Variants in CCDC102B observed in about 807,000 individuals in gnomAD.
CCDC102B encodes coiled-coil domain-containing protein 102B.
A neutral mutation model predicts 57.4 loss-of-function variants in CCDC102B; 75 were observed. The observed-to-expected ratio is 1.31, with a 90% CI of 1.08 to 1.58. The LOEUF (loss-of-function observed/expected upper bound fraction) is 1.58. Among genes scored for constraint, CCDC102B ranks in the 40% most tolerant of loss-of-function variants. CCDC102B has a pLI of 0.00. For missense variants in CCDC102B, 636 were observed against 582.6 expected (o/e 1.09, Z -0.94); for synonymous variants, 206 against 201.9 (o/e 1.02, Z -0.17).
chr18:68,738,306 A>T (rs1206570523), intron 2 of CCDC102B, among the ~76,000 whole-genome samples: 1 of 152,210 alleles, frequency 6.6e-6, no homozygotes, highest in Admixed American at 6.5e-5. Flanking sequence ...GTAGCAAAGA[A>T]TAAGAATAAG....
At chr18:68,977,927 A>G (rs1344366200) in intron 6 of CCDC102B, among the ~76,000 whole-genome samples, 4 of 152,018 alleles carry the variant, frequency 2.6e-5, no homozygotes, top group South Asian at 2.1e-4. Flanking sequence ...TTGCAGGCAC[A>G]TACAGATCCA....
chr18:68,916,310 A>C (rs4243306), intron 6 of CCDC102B, among the ~76,000 whole-genome samples: 1 of 152,210 alleles, frequency 6.6e-6, no homozygotes, highest in East Asian at 1.9e-4. Context: ...TAAAGAATGG[A>C]CACCTCTGGG....
chr18:68,767,504 A>T (rs1272400131), intron 2 of CCDC102B, among the ~76,000 whole-genome samples: 1 of 152,236 alleles, frequency 6.6e-6, no homozygotes, highest in Non-Finnish European at 1.5e-5. Context: ...TTGTTGTTTA[A>T]GCTTTCCAGT....
intron 4 of CCDC102B, among the ~76,000 whole-genome samples, chr18:68,861,593 G>A (rs1407032082): frequency 6.6e-6 from 1 of 152,124 alleles, no homozygotes; most frequent in Non-Finnish European, 1.5e-5. Context: ...TTACCTAATG[G>A]ACTGTGAATT....
intron 6 of CCDC102B, among the ~76,000 whole-genome samples, chr18:68,987,614 C>A (rs1416493337): frequency 6.6e-6 from 1 of 152,010 alleles, no homozygotes; most frequent in Non-Finnish European, 1.5e-5. Flanking sequence ...AGTAAATAGA[C>A]CACCTACAGA....
rs573488904 is a variant in CCDC102B, at chr18:68,837,919, A to G, written c.606+550A>G. 3.3e-5 allele frequency among the ~76,000 whole-genome samples: 5 copies of G among 152,336 alleles called. No individual in the cohort carries two copies. The East Asian group carries it at 9.6e-4, about 29-fold the overall frequency. On this transcript the variant is annotated intron_variant, in intron 2 of 7. Transcript: ENST00000360242. ...CAGATGATTGCAATGCTCATTCTTGAGAGAATTAAGGAATGAATCATCCTA... is the reference window on the plus strand; with the variant it reads ...CAGATGATTGCAATGCTCATTCTTGGGAGAATTAAGGAATGAATCATCCTA...
At chr18:68,741,709 ACACAC>A (rs1568227177) in intron 2 of CCDC102B, among the ~76,000 whole-genome samples, 6 of 75,750 alleles carry the variant, frequency 7.9e-5, no homozygotes, top group African/African-American at 2.0e-4. Flanking sequence ...ACACACACAC[ACACAC>A]CCCAAGACAA....
At chr18:69,019,121 G>T (rs1011862384) in intron 7 of CCDC102B, among the ~76,000 whole-genome samples, 1 of 151,876 alleles carries the variant, frequency 6.6e-6, no homozygotes, top group African/African-American at 2.4e-5. Context: ...ATATTGTTTT[G>T]TTTACTATCA....
chr18:68,871,122 C>G (rs745816596), intron 4 of CCDC102B, among the ~76,000 whole-genome samples: 1 of 151,838 alleles, frequency 6.6e-6, no homozygotes, highest in South Asian at 2.1e-4. Context: ...TTCATAAACA[C>G]GCAGTACAAA....
chr18:68,828,610 A>G (rs895544140), intron 1 of CCDC102B, among the ~76,000 whole-genome samples: 1 of 151,696 alleles, frequency 6.6e-6, no homozygotes, highest in Non-Finnish European at 1.5e-5. Context: ...ATCATGCCCT[A>G]AATTCTTACA....
chr18:68,730,632 A>C (rs549900693), intron 2 of CCDC102B, among the ~76,000 whole-genome samples: 1 of 152,324 alleles, frequency 6.6e-6, no homozygotes, highest in Admixed American at 6.5e-5. Context: ...AATTTTAAAA[A>C]TGTTAAACAT....
chr18:68,918,637 G>A (rs2041163279), intron 6 of CCDC102B, among the ~76,000 whole-genome samples: 2 of 152,194 alleles, frequency 1.3e-5, no homozygotes, highest in African/African-American at 2.4e-5. Context: ...GAGGGAACAT[G>A]TCAAGAAACC....
At chr18:68,939,693 AT>A (rs1223025885) in intron 6 of CCDC102B, among the ~76,000 whole-genome samples, 5 of 151,752 alleles carry the variant, frequency 3.3e-5, no homozygotes, top group South Asian at 2.1e-4. Context: ...GCCACAAGCA[AT>A]TTTTTTCATT....
At chr18:68,780,851 G>T (rs2034984489) in intron 2 of CCDC102B, among the ~76,000 whole-genome samples, 1 of 152,042 alleles carries the variant, frequency 6.6e-6, no homozygotes, top group African/African-American at 2.4e-5. Context: ...TATACAGTCT[G>T]AGGAGAATGA....
chr18:68,968,102 T>C (rs1425886437), intron 6 of CCDC102B, among the ~76,000 whole-genome samples: 1 of 152,168 alleles, frequency 6.6e-6, no homozygotes, highest in African/African-American at 2.4e-5. Flanking sequence ...TGTTGCCTAA[T>C]GAGGAAGGAC....
intron 3 of CCDC102B, among the ~76,000 whole-genome samples, chr18:68,841,631 A>G (rs367693426): frequency 7.2e-5 from 11 of 152,298 alleles, no homozygotes; most frequent in Middle Eastern, 6.8e-3. Flanking sequence ...TCAGTTTTCA[A>G]ATTTCACTGC....
At chr18:69,004,775 G>A (rs2051295785) in intron 6 of CCDC102B, among the ~76,000 whole-genome samples, 1 of 152,058 alleles carries the variant, frequency 6.6e-6, no homozygotes, top group African/African-American at 2.4e-5. Context: ...ACTTTTATAT[G>A]TAAAATGCAT....
At chr18:68,894,844 G>T (rs1302018493) in intron 5 of CCDC102B, among the ~76,000 whole-genome samples, 1 of 151,662 alleles carries the variant, frequency 6.6e-6, no homozygotes, top group East Asian at 1.9e-4. Flanking sequence ...AATCTTAAGA[G>T]TTAAAATTTA....
At chr18:68,878,500 G>A (rs895156590) in intron 5 of CCDC102B, among the ~76,000 whole-genome samples, 9 of 152,062 alleles carry the variant, frequency 5.9e-5, no homozygotes, top group African/African-American at 2.2e-4. Flanking sequence ...TAACTTCCAA[G>A]GTGAAATCAA....
Sources: allele counts gnomAD v4.1 joint callset (sites outside exome capture counted in the v4.1 genomes callset), GRCh38; gene constraint gnomAD v4.1.1; transcripts MANE v1.5; gene names NCBI Gene and HGNC (gene_info 2026-07-23, HGNC 2026-07-21).